Variants in RANBP2 observed in about 807,000 individuals in gnomAD.
The protein encoded by RANBP2 is E3 SUMO-protein ligase RanBP2.
Under a neutral mutation model 303.6 loss-of-function variants are expected in RANBP2, and 57 were observed. The observed-to-expected ratio is 0.19, with a 90% CI of 0.15 to 0.23. The LOEUF (loss-of-function observed/expected upper bound fraction) is 0.23. Ranked by LOEUF, RANBP2 falls within the 10% of genes least tolerant of loss-of-function variation. The pLI is 1.00. For missense variants in RANBP2, 3,138 were observed against 3,780.8 expected, an observed-to-expected ratio of 0.83 and a Z score of 4.46; for synonymous variants, 1,167 against 1,301.5, an observed-to-expected ratio of 0.90 and a Z score of 2.23.
the RANBP2 span, among the ~76,000 whole-genome samples, chr2:109,743,095 A>C: frequency 2.0e-5 from 3 of 147,234 alleles, no homozygotes; most frequent in African/African-American, 7.8e-5. Flanking sequence ...ACATAGAGAG[A>C]CCCCCTGTCT....
intron 22 of RANBP2, 38 bp downstream of exon 22, chr2:108,772,619 C>A (rs912623750): frequency 1.3e-6 from 2 of 1,551,370 alleles, no homozygotes; most frequent in African/African-American, 2.7e-5. Context: ...ATGCTTTTAA[C>A]AAGTCTTCTA....
chr2:109,675,795 G>A, the RANBP2 span, among the ~76,000 whole-genome samples: 1 of 152,218 alleles, frequency 6.6e-6, no homozygotes, highest in Non-Finnish European at 1.5e-5. Context: ...TCTGCTGAGG[G>A]TGGGTCTGTT....
the RANBP2 span, among the ~76,000 whole-genome samples, chr2:108,845,761 T>C: frequency 1.3e-5 from 2 of 152,024 alleles, no homozygotes; most frequent in East Asian, 3.9e-4. Context: ...TTAGTAGAGA[T>C]GGGGTTTCAC....
the RANBP2 span, among the ~76,000 whole-genome samples, chr2:109,153,824 G>A: frequency 6.6e-6 from 1 of 152,230 alleles, no homozygotes; most frequent in South Asian, 2.1e-4. Flanking sequence ...GAGATTTCCT[G>A]CAGACCTGCT....
the RANBP2 span, among the ~76,000 whole-genome samples, chr2:108,872,333 C>T: frequency 2.0e-5 from 3 of 152,138 alleles, no homozygotes; most frequent in South Asian, 2.1e-4. Context: ...ATTCTTAACT[C>T]GTTCCACCAC....
chr2:108,775,911 A>G lies in RANBP2; in HGVS notation c.8472A>G (p.Glu2824=). ...CTGTAGATTTGTCAACTAGAAAGGA[A>G]ATTGATACAGATTCTACAAGCCAAG... ...DKPVDLSTRK[E]IDTDSTSQGE... The change falls in exon 24 of 29, where the codon GAA becomes GAG. Residue 2824 remains glutamate (E), a synonymous_variant. Transcript: ENST00000283195. The G allele has an allele frequency of 1.9e-6, 3 of 1,611,546 alleles. No individual in the cohort carries two copies. The highest frequency in any genetic ancestry group is 1.7e-6 in the Non-Finnish European group (2 of 1,179,824).
the RANBP2 span, among the ~76,000 whole-genome samples, chr2:109,799,294 C>T: frequency 8.3e-6 from 1 of 120,658 alleles, no homozygotes; most frequent in Non-Finnish European, 1.6e-5. Context: ...ATGTGCTGTC[C>T]TGACTGTTGT....
the RANBP2 span, chr2:109,616,106 T>C: frequency 2.8e-6 from 4 of 1,453,096 alleles, no homozygotes; most frequent in Non-Finnish European, 2.7e-6. Context: ...TTTATTTGTC[T>C]TAATAAATTG....
At chr2:108,857,123 A>G in the RANBP2 span, among the ~76,000 whole-genome samples, 2 of 113,220 alleles carry the variant, frequency 1.8e-5, no homozygotes, top group African/African-American at 6.9e-5. Context: ...TTTGTCGTCA[A>G]GCTGGAGTGC....
At chr2:108,906,297 T>C in the RANBP2 span, 1 of 1,614,214 alleles carries the variant, frequency 6.2e-7, no homozygotes, top group Non-Finnish European at 8.5e-7. Flanking sequence ...CAGGCTTTTT[T>C]TTCAGCTTAC....
At chr2:109,270,065 G>T in the RANBP2 span, among the ~76,000 whole-genome samples, 7 of 152,220 alleles carry the variant, frequency 4.6e-5, no homozygotes, top group African/African-American at 9.7e-5. Context: ...GCAGGATGCC[G>T]TGAGCTTGGC....
the RANBP2 span, among the ~76,000 whole-genome samples, chr2:109,192,361 G>A: frequency 9.2e-5 from 14 of 152,318 alleles, no homozygotes; most frequent in African/African-American, 3.4e-4. Context: ...CTTCTTTTGA[G>A]CAGGCATCAT....
chr2:109,216,214 A>G, the RANBP2 span, among the ~76,000 whole-genome samples: 1 of 152,004 alleles, frequency 6.6e-6, no homozygotes, highest in Non-Finnish European at 1.5e-5. Context: ...CATTGCATCT[A>G]CTGTTGCCTC....
the RANBP2 span, among the ~76,000 whole-genome samples, chr2:109,465,245 C>T: frequency 6.6e-6 from 1 of 152,192 alleles, no homozygotes; most frequent in South Asian, 2.1e-4. Flanking sequence ...TTAGTTGCTT[C>T]TCAGTTTTGG....
the RANBP2 span, among the ~76,000 whole-genome samples, chr2:109,184,711 A>G: frequency 9.9e-5 from 15 of 152,160 alleles, no homozygotes; most frequent in African/African-American, 3.4e-4. Context: ...CAGCCTCTCC[A>G]AGTGCCTCCT....
chr2:109,415,196 C>G, the RANBP2 span, among the ~76,000 whole-genome samples: 9 of 152,218 alleles, frequency 5.9e-5, no homozygotes, highest in Non-Finnish European at 2.9e-5. Flanking sequence ...CCTGCCACAC[C>G]TTGATTTTAG....
the RANBP2 span, among the ~76,000 whole-genome samples, chr2:109,362,292 T>A: frequency 2.0e-5 from 3 of 152,232 alleles, no homozygotes; most frequent in Non-Finnish European, 2.9e-5. Flanking sequence ...AAATATTTTT[T>A]AAATTTCTCT....
intron 1 of RANBP2, among the ~76,000 whole-genome samples, chr2:108,722,918 T>A (rs1215159174): frequency 6.6e-6 from 1 of 152,188 alleles, no homozygotes; most frequent in African/African-American, 2.4e-5. Context: ...AAAAAAAATA[T>A]AATTCTTTCT....
the RANBP2 span, among the ~76,000 whole-genome samples, chr2:109,204,805 C>T: frequency 6.6e-6 from 1 of 152,106 alleles, no homozygotes; most frequent in Non-Finnish European, 1.5e-5. Context: ...TTGATGGTGC[C>T]ATTGAACTTG....
Sources: allele counts gnomAD v4.1 joint callset (sites outside exome capture counted in the v4.1 genomes callset), GRCh38; gene constraint gnomAD v4.1.1; transcripts MANE v1.5; gene names NCBI Gene and HGNC (gene_info 2026-07-23, HGNC 2026-07-21).